MED22: variants seen among roughly 807,000 people sequenced by gnomAD.
MED22 encodes the protein mediator of RNA polymerase II transcription subunit 22.
MED22 carries 22 observed loss-of-function variants against 22.7 expected under a neutral mutation model. The observed-to-expected ratio is 0.97, with a 90% CI of 0.69 to 1.38. The LOEUF (loss-of-function observed/expected upper bound fraction) is 1.38, where lower values mean the gene tolerates loss of function less well. Among genes scored for constraint, MED22 ranks in the 40% most tolerant of loss-of-function variants. MED22 has a pLI of 0.00. For missense variants in MED22, 247 were observed against 263.0 expected (o/e 0.94, Z 0.42); for synonymous variants, 134 against 119.4 (o/e 1.12, Z -0.80).
At chr9:133,344,788 C>A (rs2129962811) in intron 3 of MED22, among the ~76,000 whole-genome samples, 9 of 152,128 alleles carry the variant, frequency 5.9e-5, no homozygotes, top group African/African-American at 2.2e-4. Flanking sequence ...TCCTGTGATC[C>A]GAAGGAATCC....
In MED22 at chr9:133,341,657, C is replaced by T. The variant is rs2129949935; in HGVS notation, c.451G>A (p.Glu151Lys). 108 of 1,608,194 alleles carry T rather than the reference C, an allele frequency of 6.7e-5. No individual in the cohort carries two copies. Among genetic ancestry groups the T allele is most frequent in the Middle Eastern group, 1.7e-4 (1 of 6,036 alleles). ...LCEANDLPLC[E>K]AYGRLDLDTD... ...TCGAGGTCCAGCCTCCCGTAAGCTT[C>T]GCACAGAGGCAGGTCATTAGCTTCG... Residue 151 changes from glutamate (E) to lysine (K), a missense_variant, in exon 5 of 5, where the codon GAA (glutamate) becomes AAA (lysine). Transcript: ENST00000343730.
In MED22 at chr9:133,339,655, C is replaced by T. The variant is rs1835963295; in HGVS notation, c.*1850G>A. The T allele has an allele frequency of 1.1e-5, 4 of 360,836 alleles. No homozygotes were observed. In the South Asian group the frequency reaches 1.1e-4, roughly 10 times the overall value. 22.4% of individuals were successfully genotyped at this position (360,836 alleles called of 1,614,324 possible). ...AGAGAGGCAAACTGACAAGTACTTC[C>T]ATGAGTTCCACTGCCCTCAAAATAA... On this transcript the variant is annotated 3_prime_UTR_variant, in exon 5 of 5. Transcript: ENST00000343730.
In MED22 at chr9:133,347,949, C is replaced by G; in HGVS notation, c.-66G>C. On this transcript the variant is annotated 5_prime_UTR_variant, in exon 1 of 5. Transcript: ENST00000343730. Reference sequence around the variant, plus strand: ...GCCCCAGCGCCCGCACACCAGACGCCGCGTCCGCCGGGTCGGCCTAGGGCG... The same window carrying G: ...GCCCCAGCGCCCGCACACCAGACGCGGCGTCCGCCGGGTCGGCCTAGGGCG... The G allele has an allele frequency of 3.0e-6, 1 of 329,502 alleles. No individual in the cohort carries two copies. The highest frequency in any genetic ancestry group is 5.7e-6 in the Non-Finnish European group (1 of 175,426). The allele number at this position is 329,502 out of a possible 1,614,324, so 20.4% of individuals were successfully genotyped here. A position where few individuals can be genotyped will look rare whatever the true frequency, so the allele number is the denominator to read the frequency against.
In MED22 at chr9:133,341,516, C is replaced by T. The variant is rs2129948782; in HGVS notation, c.592G>A (p.Glu198Lys). ...GTGGCCCCGGAGGCTCAGGCGTGCTCAGTGGGGCCAGGGCCACCAGCATGG... is the reference window on the plus strand; with the variant it reads ...GTGGCCCCGGAGGCTCAGGCGTGCTTAGTGGGGCCAGGGCCACCAGCATGG... ...HSHAGGPGPTEHA is the reference protein window; with the variant it reads ...HSHAGGPGPTKHA Residue 198 changes from glutamate to lysine, a missense_variant, in exon 5 of 5, where the codon GAG (glutamate) becomes AAG (lysine). Coordinates refer to ENST00000343730, the MANE Select transcript of MED22 (RefSeq NM_133640.5). The T allele has an allele frequency of 2.0e-6, 3 of 1,517,392 alleles. No individual in the cohort carries two copies. Among genetic ancestry groups the T allele is most frequent in the Admixed American group, 2.6e-5 (1 of 39,152 alleles). The allele number at this position is 1,517,392 out of a possible 1,614,324, so 94.0% of individuals were successfully genotyped here. A position where few individuals can be genotyped will look rare whatever the true frequency, so the allele number is the denominator to read the frequency against.
chr9:133,348,053 C>A lies in MED22; in HGVS notation c.-170G>T. 1.3e-6 allele frequency: 1 copy of A among 774,938 alleles called. No individual in the cohort carries two copies. The highest frequency in any genetic ancestry group is 2.2e-5 in the Admixed American group (1 of 46,378). 48.0% of individuals were successfully genotyped at this position (774,938 alleles called of 1,614,324 possible). ...GGCCCTCCCGCCGCAGTCTCTCTTCCCCGCCGCGCCGCGGTCCGAAAACCT... is the reference window on the plus strand; with the variant it reads ...GGCCCTCCCGCCGCAGTCTCTCTTCACCGCCGCGCCGCGGTCCGAAAACCT... On this transcript the variant is annotated 5_prime_UTR_variant, in exon 1 of 5. Coordinates refer to ENST00000343730, the MANE Select transcript of MED22 (RefSeq NM_133640.5).
At chr9:133,342,615 C>T (rs1316784485) in intron 4 of MED22, 3 of 986,234 alleles carry the variant, frequency 3.0e-6, no homozygotes, top group African/African-American at 1.7e-5. Context: ...GCAGAGGAAA[C>T]TCGGCCAGGA....
At chr9:133,344,665 C>T (rs1400781126) in intron 3 of MED22, among the ~76,000 whole-genome samples, 1 of 152,210 alleles carries the variant, frequency 6.6e-6, no homozygotes, top group African/African-American at 2.4e-5. Context: ...TTGCCTCCTG[C>T]CCCGGGGTAG....
At chr9:133,343,889 G>T (rs115008067) in intron 4 of MED22, 5 of 1,423,386 alleles carry the variant, frequency 3.5e-6, no homozygotes, top group Middle Eastern at 2.6e-4. Flanking sequence ...TCCGACTGGC[G>T]TGAGTCCTGT....
rs138038377 is a variant in MED22, at chr9:133,339,004, G to C, written c.*2501C>G. 1.1e-5 allele frequency: 9 copies of C among 828,230 alleles called. No individual in the cohort carries two copies. The highest frequency in any genetic ancestry group is 1.8e-5 in the Non-Finnish European group (9 of 497,076). The allele number at this position is 828,230 out of a possible 1,614,324, so 51.3% of individuals were successfully genotyped here. ...AATTCGCCAAAATGACGAACACAAA[G>C]GGAAAGAGGAGAGGCACCCAATATA... On this transcript the variant is annotated 3_prime_UTR_variant, in exon 5 of 5. Coordinates refer to ENST00000343730, the MANE Select transcript of MED22 (RefSeq NM_133640.5).
Position 133,344,232 on chromosome 9 carries a change from G to T in MED22, c.306C>A (p.Asn102Lys). The change falls in exon 4 of 5, where the codon AAC becomes AAA. Residue 102 changes from asparagine (N) to lysine (K), a missense_variant. Transcript: ENST00000343730. ...PSVNEAIDQR[N>K]QQLRTLQEEC... is the part of the protein sequence containing the mutation. ...CCTCCTGCAGTGTGCGCAGCTGCTG[G>T]TTGCGCTGGTCAATGGCCTCGTTCA... The T allele has an allele frequency of 6.2e-7, 1 of 1,614,238 alleles. No individual in the cohort carries two copies. The highest frequency in any genetic ancestry group is 8.5e-7 in the Non-Finnish European group (1 of 1,180,052).
intron 4 of MED22, chr9:133,343,649 C>CTGG: frequency 8.0e-7 from 1 of 1,250,330 alleles, no homozygotes; most frequent in Non-Finnish European, 1.0e-6. Context: ...TGCCTCCACA[C>CTGG]TGGGGTTTGG....
At chr9:133,342,550 ACAGGG>A (rs10567355) in intron 4 of MED22, 261 of 986,458 alleles carry the variant, frequency 2.6e-4, no homozygotes, top group Non-Finnish European at 3.0e-4. Context: ...CTCATGCGGA[ACAGGG>A]CAGGGCAGGG....
chr9:133,343,988 C>T, intron 4 of MED22, 137 bp downstream of exon 4: 1 of 1,488,512 alleles, frequency 6.7e-7, no homozygotes, highest in Admixed American at 2.1e-5. Flanking sequence ...TGGCCAGGAG[C>T]TCTGCTCTGA....
In MED22 at chr9:133,341,589, G is replaced by T; in HGVS notation, c.519C>A (p.Ser173=). The change falls in exon 5 of 5, where the codon TCC becomes TCA. Residue 173 remains serine (S), a synonymous_variant. Transcript: ENST00000343730. ...GTAGGGGGCCAGCACTGGGCTCCGG[G>T]GACGCCAGCAGAGGGGCCGAGAGGC... ...ADGLSAPLLA[S]PEPSAGPLQV... is the part of the protein sequence containing the mutation. 2 of 1,584,018 alleles carry T rather than the reference G, an allele frequency of 1.3e-6. No homozygotes were observed. The highest frequency in any genetic ancestry group is 1.2e-5 in the South Asian group (1 of 86,628).
chr9:133,344,808 T>C (rs1836134902), intron 3 of MED22, among the ~76,000 whole-genome samples: 1 of 152,146 alleles, frequency 6.6e-6, no homozygotes, highest in Non-Finnish European at 1.5e-5. Context: ...CAATGGCGCC[T>C]ACAGTTCCAT....
Position 133,339,316 on chromosome 9 carries a change from A to C in MED22, c.*2189T>G, listed in dbSNP as rs2129942489. 1.4e-5 allele frequency: 10 copies of C among 710,274 alleles called. No homozygotes were observed. Among genetic ancestry groups the C allele is most frequent in the Middle Eastern group, 3.4e-4 (1 of 2,912 alleles). 44.0% of individuals were successfully genotyped at this position (710,274 alleles called of 1,614,324 possible). A position where few individuals can be genotyped will look rare whatever the true frequency, so the allele number is the denominator to read the frequency against. On this transcript the variant is annotated 3_prime_UTR_variant, in exon 5 of 5. Coordinates refer to ENST00000343730, the MANE Select transcript of MED22 (RefSeq NM_133640.5). ...GAGAGCTTCCTGAAACGCGTGAAGG[A>C]AAATGATCAGAAAAAGAGGGAAGCC...
Position 133,339,623 on chromosome 9 carries a change from T to C in MED22, c.*1882A>G. 2.4e-6 allele frequency: 1 copy of C among 409,604 alleles called. No individual in the cohort carries two copies. Among genetic ancestry groups the C allele is most frequent in the East Asian group, 5.3e-5 (1 of 19,040 alleles). 25.4% of individuals were successfully genotyped at this position (409,604 alleles called of 1,614,324 possible). On this transcript the variant is annotated 3_prime_UTR_variant, in exon 5 of 5. Transcript: ENST00000343730. ...GGTTGTGGTGATGGACGAAGGAGAA[T>C]GTGCTCAGAGAGGCAAACTGACAAG...
Position 133,340,237 on chromosome 9 carries a change from G to T in MED22, c.*1268C>A, listed in dbSNP as rs1307911922. 1.3e-5 allele frequency: 2 copies of T among 152,230 alleles called. No individual in the cohort carries two copies. Among genetic ancestry groups the T allele is most frequent in the Admixed American group, 1.3e-4 (2 of 15,270 alleles). The allele number at this position is 152,230 out of a possible 1,614,324, so 9.4% of individuals were successfully genotyped here. On this transcript the variant is annotated 3_prime_UTR_variant, in exon 5 of 5. Transcript: ENST00000343730. ...CCCCAGAAGCCAGGTCCAGAGCCAG[G>T]ACTGGGCCTCAAGCTCCTGTCTGTC... is the stretch of plus-strand genomic sequence containing the variant.
Position 133,339,491 on chromosome 9 carries a change from C to G in MED22, c.*2014G>C. 1 of 662,670 alleles carries G rather than the reference C, an allele frequency of 1.5e-6. No individual in the cohort carries two copies. The highest frequency in any genetic ancestry group is 2.8e-5 in the East Asian group (1 of 35,730). 41.0% of individuals were successfully genotyped at this position (662,670 alleles called of 1,614,324 possible). On this transcript the variant is annotated 3_prime_UTR_variant, in exon 5 of 5. Coordinates refer to ENST00000343730, the MANE Select transcript of MED22 (RefSeq NM_133640.5). ...TGGGTGTTAAAAAAATAAAAGACCTCTGGACTAGAAAGAAAAAAAATAGGC... is the reference window on the plus strand; with the variant it reads ...TGGGTGTTAAAAAAATAAAAGACCTGTGGACTAGAAAGAAAAAAAATAGGC...
Sources: gnomAD v4.1 joint callset for allele counts (sites outside exome capture counted in the v4.1 genomes callset) on GRCh38, gnomAD v4.1.1 for gene constraint, MANE v1.5 for transcripts, NCBI Gene and HGNC (gene_info 2026-07-23, HGNC 2026-07-21) for gene names.